Variants in DIXDC1 observed in about 807,000 individuals in gnomAD.
DIXDC1 encodes DIX domain containing 1, also known as dixin.
In DIXDC1, 64 loss-of-function variants were observed where a neutral mutation model predicts 103.1. The observed-to-expected ratio is 0.62, with a 90% CI of 0.51 to 0.76. The LOEUF (loss-of-function observed/expected upper bound fraction) is 0.76, where lower values mean the gene tolerates loss of function less well. DIXDC1 is among the 30% of genes least tolerant of loss of function. DIXDC1 has a pLI of 0.00. For missense variants in DIXDC1, 759 were observed against 834.2 expected, an observed-to-expected ratio of 0.91 and a Z score of 1.11; for synonymous variants, 266 against 298.5, an observed-to-expected ratio of 0.89 and a Z score of 1.12.
chr11:111,941,090 C>T (rs1966402052), intron 1 of DIXDC1, among the ~76,000 whole-genome samples: 1 of 152,178 alleles, frequency 6.6e-6, no homozygotes, highest in African/African-American at 2.4e-5. Context: ...GGTGACCGCA[C>T]TCCGGCTTAG....
chr11:111,962,413 C>T (rs782441612), intron 1 of DIXDC1, among the ~76,000 whole-genome samples: 2 of 151,696 alleles, frequency 1.3e-5, no homozygotes, highest in Non-Finnish European at 2.9e-5. Context: ...ACCTGGAAGG[C>T]GGAGGTTGCA....
rs1272056930 is a variant in DIXDC1, at chr11:111,988,085, AC to A, written c.1063-914del. Reference sequence around the variant, plus strand: ...ACGATCATGGCTAACTGCAGCTTCGACCCCCCAGTCTCAAGCGATCCTCCCA... The same window carrying A: ...ACGATCATGGCTAACTGCAGCTTCGACCCCCAGTCTCAAGCGATCCTCCCA... On this transcript the variant is annotated intron_variant, in intron 9 of 19. Coordinates refer to ENST00000440460, the MANE Select transcript of DIXDC1 (RefSeq NM_001037954.4). Among the ~76,000 whole-genome samples, 11 of 145,820 alleles carry A rather than the reference AC, an allele frequency of 7.5e-5. No individual in the cohort carries two copies. In the East Asian group the frequency reaches 1.8e-3, roughly 24 times the overall value.
At position 111,974,079 on chromosome 11, in the gene DIXDC1, C is replaced by G; in HGVS notation, c.373C>G (p.His125Asp). 1.2e-6 allele frequency: 2 copies of G among 1,613,990 alleles called. No individual in the cohort carries two copies. Among genetic ancestry groups the G allele is most frequent in the Non-Finnish European group, 1.7e-6 (2 of 1,179,904 alleles). ...GAGGCTGGTCCTTGCCTTGGCAGCTCATTTCAAACCTGGCTCCAGCAGGAC... is the reference window on the plus strand; with the variant it reads ...GAGGCTGGTCCTTGCCTTGGCAGCTGATTTCAAACCTGGCTCCAGCAGGAC... ...IMRLVLALAA[H>D]FKPGSSRTVN... Residue 125 changes from histidine (H) to aspartate (D), a missense_variant, in exon 4 of 20, where the codon CAT becomes GAT. Around this residue, in one of 3 missense-constraint regions of DIXDC1, gnomAD observed 657 missense variants for 727.5 expected, o/e 0.90. Transcript: ENST00000440460.
At chr11:111,946,696 CT>C (rs1966609467) in intron 1 of DIXDC1, 1 of 333,218 alleles carries the variant, frequency 3.0e-6, no homozygotes, top group East Asian at 6.9e-5. Flanking sequence ...TTTGGAGAAC[CT>C]CTTAAGAACT....
At chr11:112,010,745 C>T (rs1351789864) in intron 17 of DIXDC1, among the ~76,000 whole-genome samples, 5 of 152,096 alleles carry the variant, frequency 3.3e-5, no homozygotes, top group Admixed American at 3.3e-4. Context: ...AACTGGCTAG[C>T]CATATGTAGA....
intron 3 of DIXDC1, among the ~76,000 whole-genome samples, chr11:111,971,313 A>G (rs1859916366): frequency 6.6e-6 from 1 of 152,256 alleles, no homozygotes; most frequent in Non-Finnish European, 1.5e-5. Context: ...GGCAAAGGAC[A>G]TGTACAGATA....
intron 6 of DIXDC1, among the ~76,000 whole-genome samples, chr11:111,982,051 G>A (rs1318797998): frequency 6.6e-6 from 1 of 152,192 alleles, no homozygotes; most frequent in Non-Finnish European, 1.5e-5. Context: ...TAAGAATTAA[G>A]GGTGAAGTCT....
At chr11:111,950,449 T>TTTTTTTTTTTTTG (rs1966765359) in intron 1 of DIXDC1, among the ~76,000 whole-genome samples, 1 of 48,316 alleles carries the variant, frequency 2.1e-5, no homozygotes, top group African/African-American at 1.3e-4. Flanking sequence ...TTTTTTTTTT[T>TTTTTTTTTTTTTG]TTTTTTTTTT....
In DIXDC1 at chr11:111,980,734, C is replaced by T. The variant is rs1860269292; in HGVS notation, c.657-3C>T. The stretch of plus-strand genomic sequence containing the variant: ...GTTTTTCTTCCTTTTTCTTCAATCA[C>T]AGCCTGACTTCACCCAGTCCAATCC... On this transcript the variant is annotated splice_polypyrimidine_tract_variant and splice_region_variant and intron_variant, in intron 5 of 19. Transcript: ENST00000440460. 5 of 1,611,276 alleles carry T rather than the reference C, an allele frequency of 3.1e-6. No homozygotes were observed. The highest frequency in any genetic ancestry group is 4.2e-6 in the Non-Finnish European group (5 of 1,178,352).
chr11:111,977,243 T>TCGGA lies in DIXDC1; in HGVS notation c.656+2261_656+2264dup. 1.0e-6 allele frequency: 1 copy of TCGGA among 996,736 alleles called. No homozygotes were observed. The allele number at this position is 996,736 out of a possible 1,614,324, so 61.7% of individuals were successfully genotyped here. ...GGTTGGCCAGCGGAGCTGGCTTGGG[T>TCGGA]CGGAGCCCGGCTGCCTCGCCGCGTG... On this transcript the variant is annotated intron_variant, in intron 5 of 19. Coordinates refer to ENST00000440460, the MANE Select transcript of DIXDC1 (RefSeq NM_001037954.4). The surrounding 1 kb of genome is among the most constrained non-coding windows in gnomAD (Gnocchi z 6.1).
intron 2 of DIXDC1, among the ~76,000 whole-genome samples, chr11:111,930,271 C>T (rs781909390): frequency 2.8e-4 from 43 of 152,072 alleles, no homozygotes; most frequent in Non-Finnish European, 4.7e-4. Flanking sequence ...AATTCTCCCA[C>T]CCAGAAGCAC....
At chr11:112,003,169 A>G (rs1861120788) in intron 17 of DIXDC1, among the ~76,000 whole-genome samples, 1 of 152,206 alleles carries the variant, frequency 6.6e-6, no homozygotes, top group South Asian at 2.1e-4. Flanking sequence ...CTAGTGTTTG[A>G]TAAGAAGTAG....
chr11:111,981,032 A>G (rs1555173198), intron 6 of DIXDC1, among the ~76,000 whole-genome samples, 183 bp downstream of exon 6: 1 of 152,000 alleles, frequency 6.6e-6, no homozygotes, highest in African/African-American at 2.4e-5. Flanking sequence ...GCAGAATGCC[A>G]TTTCTGATAT....
At chr11:111,936,845 AGTGTGTGTGTGTGTGTGTGTGT>A (rs57332873), upstream of DIXDC1, among the ~76,000 whole-genome samples, 1 of 140,756 alleles carries the variant, frequency 7.1e-6, no homozygotes, top group Non-Finnish European at 1.6e-5. Flanking sequence ...TTAAGTTAGC[AGTGTGTGTGTGTGTGTGTGTGT>A]GTGTGTGTGT....
intron 1 of DIXDC1, among the ~76,000 whole-genome samples, chr11:111,951,683 A>T (rs905820045): frequency 6.6e-6 from 1 of 152,146 alleles, no homozygotes. Flanking sequence ...GGTCTTTCCT[A>T]TGCTGTTCTC....
intron 1 of DIXDC1, among the ~76,000 whole-genome samples, chr11:111,940,068 A>G (rs1555168648): frequency 6.6e-6 from 1 of 152,220 alleles, no homozygotes; most frequent in East Asian, 1.9e-4. Context: ...GCCACAGGGA[A>G]TGGAGCTTTG....
chr11:111,990,457 C>T, intron 10 of DIXDC1, among the ~76,000 whole-genome samples: 6 of 152,040 alleles, frequency 3.9e-5, no homozygotes, highest in African/African-American at 1.4e-4. Context: ...CGGTTTTACC[C>T]AAATGGTAAT....
At chr11:111,937,127 C>CGGGGGGT (rs200146124), upstream of DIXDC1, 19 of 519,650 alleles carry the variant, frequency 3.7e-5, 1 homozygote, top group African/African-American at 1.3e-3. Context: ...TGCTGCGGCC[C>CGGGGGGT]GGGCGGGGGG....
chr11:112,019,162 C>T lies in DIXDC1; in HGVS notation c.*126C>T. ...TTGTGTGCCAAAACAGAAGCTTCTCCAAGCATGATGGCCACAGGTCAGTCC... is the reference window on the plus strand; with the variant it reads ...TTGTGTGCCAAAACAGAAGCTTCTCTAAGCATGATGGCCACAGGTCAGTCC... On this transcript the variant is annotated 3_prime_UTR_variant, in exon 20 of 20. Transcript: ENST00000440460. The T allele has an allele frequency of 1.4e-6, 1 of 724,236 alleles. No homozygotes were observed. The highest frequency in any genetic ancestry group is 1.9e-5 in the South Asian group (1 of 52,788). 44.9% of individuals were successfully genotyped at this position (724,236 alleles called of 1,614,324 possible).
Sources: allele counts gnomAD v4.1 joint callset (sites outside exome capture counted in the v4.1 genomes callset), GRCh38; gene constraint gnomAD v4.1.1; regional missense constraint gnomAD v4.1.1; non-coding constraint Gnocchi (gnomAD v3.1); transcripts MANE v1.5; gene names NCBI Gene and HGNC (gene_info 2026-07-23, HGNC 2026-07-21).